The following COL6A3 variants were observed in gnomAD, a reference collection of about 807,000 sequenced individuals.
COL6A3 encodes the protein collagen type VI alpha 3 chain, also known as collagen alpha-3(VI) chain.
Under a neutral mutation model 274.1 loss-of-function variants are expected in COL6A3, and 137 were observed. That is an observed-to-expected ratio of 0.50 (90% CI 0.44 to 0.58). COL6A3 has a LOEUF of 0.58. COL6A3 is among the 20% of genes least tolerant of loss of function. The probability of loss-of-function intolerance (pLI) is 0.00; values close to 1 mark genes in which losing one functional copy is unlikely to be tolerated. For missense variants in COL6A3, 3,950 were observed against 4,124.9 expected (o/e 0.96, Z 1.16); for synonymous variants, 1,650 against 1,650.6 (o/e 1.00, Z 0.01).
At chr2:237,397,460 A>AGAGAGAGGGAGGGAGGGAGG (rs1451578485) in intron 1 of COL6A3, among the ~76,000 whole-genome samples, 9 of 129,784 alleles carry the variant, frequency 6.9e-5, no homozygotes, top group African/African-American at 2.5e-4. Flanking sequence ...AGAAAGAAAG[A>AGAGAGAGGGAGGGAGGGAGG]GAGAGAGGGA....
At chr2:237,358,659 A>T in intron 20 of COL6A3, 76 bp from the exon 21 acceptor site, 1 of 1,271,528 alleles carries the variant, frequency 7.9e-7, no homozygotes, top group Non-Finnish European at 1.1e-6. Flanking sequence ...CACATTCTTC[A>T]ACTCATAAAT....
At position 237,374,944 on chromosome 2, in the gene COL6A3, C is replaced by A. The variant is rs757707163; in HGVS notation, c.3147G>T (p.Glu1049Asp). 6.2e-7 allele frequency: 1 copy of A among 1,613,998 alleles called. No homozygotes were observed. The highest frequency in any genetic ancestry group is 1.1e-5 in the South Asian group (1 of 91,066). The change falls in exon 8 of 44, where the codon GAG (glutamate) becomes GAT (aspartate). Residue 1049 changes from glutamate (E) to aspartate (D), a missense_variant. Around this residue, in one of 5 missense-constraint regions of COL6A3, gnomAD observed 1,934 missense variants for 1,984.3 expected, o/e 0.97. Coordinates refer to ENST00000295550, the MANE Select transcript of COL6A3 (RefSeq NM_004369.4). This position sits in a 1 kb window ranked among gnomAD's most constrained non-coding sequence, Gnocchi z 4.8. ...GGCTTTCCACCACTCTCTGGACAAACTCTTTCAACAGAGGGAAGCCGCTCC... is the reference window on the plus strand; with the variant it reads ...GGCTTTCCACCACTCTCTGGACAAAATCTTTCAACAGAGGGAAGCCGCTCC... The part of the protein sequence containing the change: ...GVRSGFPLLK[E>D]FVQRVVESLD...
chr2:237,332,104 T>TAC (rs1700282927), intron 42 of COL6A3, among the ~76,000 whole-genome samples: 1 of 44,458 alleles, frequency 2.2e-5, no homozygotes, highest in Non-Finnish European at 4.2e-5. Flanking sequence ...TATATATATA[T>TAC]ATATATATAT....
chr2:237,406,907 C>CTTTT lies in COL6A3; in HGVS notation c.-31+7042_-31+7045dup, dbSNP rs1006109385. ...GATTTCACATTTCTTTCTTTTTTCC[C>CTTTT]TTTTTTTTTTTTTTTTTTTTGAGAC... On this transcript the variant is annotated intron_variant, in intron 1 of 43. Coordinates refer to ENST00000295550, the MANE Select transcript of COL6A3 (RefSeq NM_004369.4). Among the ~76,000 whole-genome samples the CTTTT allele has an allele frequency of 3.1e-3, 388 of 123,502 alleles. 4 individuals carry two copies. Among genetic ancestry groups the CTTTT allele is most frequent in the African/African-American group, 9.4e-3 (297 of 31,504 alleles). The allele number at this position is 123,502 out of a possible 152,430, so 81.0% of individuals were successfully genotyped here. A position where few individuals can be genotyped will look rare whatever the true frequency, so the allele number is the denominator to read the frequency against.
intron 7 of COL6A3, among the ~76,000 whole-genome samples, chr2:237,376,414 G>A (rs1211294744): frequency 6.6e-6 from 1 of 152,190 alleles, no homozygotes; most frequent in Admixed American, 6.5e-5. Context: ...GATGAAGGCT[G>A]TTTTAGGTAC....
At chr2:237,348,163 C>T (rs1026731426) in intron 30 of COL6A3, among the ~76,000 whole-genome samples, 186 bp downstream of exon 30, 1 of 152,138 alleles carries the variant, frequency 6.6e-6, no homozygotes, top group Non-Finnish European at 1.5e-5. Flanking sequence ...AGGACAAGTA[C>T]GTATTATGAC....
chr2:237,375,251 T>G (rs2077806845), intron 7 of COL6A3, among the ~76,000 whole-genome samples: 1 of 151,204 alleles, frequency 6.6e-6, no homozygotes, highest in African/African-American at 2.4e-5. Flanking sequence ...TAAGAGGGGG[T>G]AAGAGGGTCA....
In COL6A3 at chr2:237,368,788, A is replaced by G; in HGVS notation, c.4675T>C (p.Phe1559Leu). ...CCCGAGGAACGGATCACCTGGGCGA[A>G]CCTGGACACATCGTCCTGGGATTTT... is the stretch of plus-strand genomic sequence containing the variant. Reference protein sequence around the residue: ...GGKSQDDVSRFAQVIRSSGIV... With the variant: ...GGKSQDDVSRLAQVIRSSGIV... The change falls in exon 10 of 44, where the codon TTC (phenylalanine) becomes CTC (leucine). Residue 1559 changes from phenylalanine (F) to leucine (L), a missense_variant. Phe to Leu is a conservative substitution (Grantham distance 22, BLOSUM62 0). Around this residue, in one of 5 missense-constraint regions of COL6A3, gnomAD observed 632 missense variants for 623.4 expected, o/e 1.01. Transcript: ENST00000295550. The surrounding 1 kb of genome is among the most constrained non-coding windows in gnomAD (Gnocchi z 4.4). The G allele has an allele frequency of 6.2e-7, 1 of 1,614,180 alleles. No homozygotes were observed. Among genetic ancestry groups the G allele is most frequent in the Non-Finnish European group, 8.5e-7 (1 of 1,180,030 alleles).
chr2:237,345,921 A>G, intron 32 of COL6A3, among the ~76,000 whole-genome samples: 1 of 152,244 alleles, frequency 6.6e-6, no homozygotes. Context: ...CTCCTGAATT[A>G]TCTTTTCCAT....
Position 237,361,085 on chromosome 2 carries a change from G to A in COL6A3, c.6210+36C>T, listed in dbSNP as rs747838000. ...CCCAATGGGTAAGGATCAAGGAGGGGGTGAAATTTTAGGGACTAAAACAAT... is the reference window on the plus strand; with the variant it reads ...CCCAATGGGTAAGGATCAAGGAGGGAGTGAAATTTTAGGGACTAAAACAAT... On this transcript the variant is annotated intron_variant, in intron 16 of 43. Coordinates refer to ENST00000295550, the MANE Select transcript of COL6A3 (RefSeq NM_004369.4). This position sits in a 1 kb window ranked among gnomAD's most constrained non-coding sequence, Gnocchi z 5.1. 1.3e-6 allele frequency: 2 copies of A among 1,564,102 alleles called. No individual in the cohort carries two copies. The highest frequency in any genetic ancestry group is 1.8e-6 in the Non-Finnish European group (2 of 1,134,500).
chr2:237,349,016 C>G (rs1469331429), intron 28 of COL6A3, among the ~76,000 whole-genome samples: 1 of 152,156 alleles, frequency 6.6e-6, no homozygotes, highest in Non-Finnish European at 1.5e-5. Flanking sequence ...TACTTTGATT[C>G]TATGCATCCG....
chr2:237,339,071 A>G lies in COL6A3; in HGVS notation c.8511T>C (p.Asp2837=), dbSNP rs936115881. 11 of 1,614,070 alleles carry G rather than the reference A, an allele frequency of 6.8e-6. No homozygotes were observed. Among genetic ancestry groups the G allele is most frequent in the African/African-American group, 1.3e-5 (1 of 74,944 alleles). ...TTGTGGGTTGGTCCCCTTGGAACCA[A>G]TCACACTGTTTCCTGATATCTGGGG... is the stretch of plus-strand genomic sequence containing the variant. ...YLSPDIRKQC[D]WFQGDQPTKN... Residue 2837 remains aspartate, a synonymous_variant, in exon 39 of 44, where the codon GAT becomes GAC. Transcript: ENST00000295550.
At position 237,372,142 on chromosome 2, in the gene COL6A3, T is replaced by C; in HGVS notation, c.3875A>G (p.Lys1292Arg). ...VEFLLNAHSSKDEVQNAVQRL... is the reference protein window; with the variant it reads ...VEFLLNAHSSRDEVQNAVQRL... ...CTGCACCGCGTTCTGCACTTCATCC[T>C]TGCTGGAATGGGCGTTCAGCAGGAA... The change falls in exon 9 of 44, where the codon AAG becomes AGG. Residue 1292 changes from lysine to arginine, a missense_variant. Physicochemically the swap from Lys to Arg is conservative, Grantham distance 26. Coordinates refer to ENST00000295550, the MANE Select transcript of COL6A3 (RefSeq NM_004369.4). 1 of 1,614,148 alleles carries C rather than the reference T, an allele frequency of 6.2e-7. No homozygotes were observed.
chr2:237,343,119 G>C (rs948799545), intron 36 of COL6A3: 1 of 152,156 alleles, frequency 6.6e-6, no homozygotes, highest in Non-Finnish European at 1.5e-5. Context: ...CCTGACTCCC[G>C]GGTGGACTCC....
rs1381400999 is a variant in COL6A3 at position 237,374,836 on chromosome 2, G to A, written c.3255C>T (p.Tyr1085=). ...CGTTGACGACGTCCTGCTTGTTCAT[G>A]TATGAATTCAGGTAGAACTCGGGCC... ...RTRPEFYLNS[Y]MNKQDVVNAV... The change falls in exon 8 of 44, where the codon TAC becomes TAT. Residue 1085 remains tyrosine (Y), a synonymous_variant. Coordinates refer to ENST00000295550, the MANE Select transcript of COL6A3 (RefSeq NM_004369.4). The surrounding 1 kb of genome is among the most constrained non-coding windows in gnomAD (Gnocchi z 4.8). 6.2e-7 allele frequency: 1 copy of A among 1,613,938 alleles called. No individual in the cohort carries two copies. The highest frequency in any genetic ancestry group is 8.5e-7 in the Non-Finnish European group (1 of 1,180,036).
At position 237,340,980 on chromosome 2, in the gene COL6A3, C is replaced by T. The variant is rs1419214464; in HGVS notation, c.7936G>A (p.Val2646Ile). 1 of 1,614,138 alleles carries T rather than the reference C, an allele frequency of 6.2e-7. No individual in the cohort carries two copies. Among genetic ancestry groups the T allele is most frequent in the African/African-American group, 1.3e-5 (1 of 75,040 alleles). Residue 2646 changes from valine to isoleucine, a missense_variant, in exon 38 of 44, where the codon GTC (valine) becomes ATC (isoleucine). This residue lies in a region of COL6A3 where 1,284 missense variants were observed against 1,349.7 expected (regional missense o/e 0.95). Transcript: ENST00000295550. ...NEMKKYIAYL[V>I]RQLDMSPDPK... is the part of the protein sequence containing the mutation. The stretch of plus-strand genomic sequence containing the variant: ...TCTGGGCTCATGTCCAGTTGTCTGA[C>T]CAGGTACGCTATGTACTTCTTCATC...
At chr2:237,399,279 G>A (rs1230148356) in intron 1 of COL6A3, among the ~76,000 whole-genome samples, 2 of 152,154 alleles carry the variant, frequency 1.3e-5, no homozygotes, top group Admixed American at 6.5e-5. Context: ...TCTGGATCCT[G>A]GATCCACCAT....
At chr2:237,411,527 A>G (rs1438895965) in intron 1 of COL6A3, among the ~76,000 whole-genome samples, 1 of 152,198 alleles carries the variant, frequency 6.6e-6, no homozygotes, top group Non-Finnish European at 1.5e-5. Flanking sequence ...ATCCAGGTCT[A>G]TGGGTTCCGT....
At chr2:237,381,900 C>T (rs2078015793) in intron 4 of COL6A3, among the ~76,000 whole-genome samples, 2 of 152,152 alleles carry the variant, frequency 1.3e-5, no homozygotes, top group African/African-American at 2.4e-5. Flanking sequence ...GAACCCTTTG[C>T]CTCACAGTCT....
Sources: gnomAD v4.1 joint callset for allele counts (sites outside exome capture counted in the v4.1 genomes callset) on GRCh38, gnomAD v4.1.1 for gene constraint, gnomAD v4.1.1 regional missense constraint, Gnocchi (gnomAD v3.1) non-coding constraint, MANE v1.5 for transcripts, NCBI Gene and HGNC (gene_info 2026-07-23, HGNC 2026-07-21) for gene names.